Variants in SAMMSON observed in about 807,000 individuals in gnomAD.
The protein encoded by SAMMSON is long intergenic non-protein coding RNA 1212.
intron 4 of SAMMSON, among the ~76,000 whole-genome samples, chr3:70,240,875 A>G (rs1449337582): frequency 2.0e-5 from 3 of 152,184 alleles, no homozygotes; most frequent in Non-Finnish European, 2.9e-5. Flanking sequence ...AGATGACAGA[A>G]TTAGGGTACT....
chr3:70,115,089 A>G (rs1465768079), intron 4 of SAMMSON, among the ~76,000 whole-genome samples: 1 of 152,026 alleles, frequency 6.6e-6, no homozygotes, highest in Non-Finnish European at 1.5e-5. Context: ...ATTATTCATT[A>G]GAATAATTCA....
Position 70,396,955 on chromosome 3 carries a change from G to A in SAMMSON, n.233+38631G>A, listed in dbSNP as rs559139236. Among the ~76,000 whole-genome samples, 6 of 152,280 alleles carry A rather than the reference G, an allele frequency of 3.9e-5. 1 individual carries two copies. The highest frequency in any genetic ancestry group is 1.4e-4 in the African/African-American group (6 of 41,564). On this transcript the variant is annotated intron_variant and non_coding_transcript_variant, in intron 2 of 3. Transcript: ENST00000641053. ...TACTACTTGTTTATCTTTCTAAAATGTAAGTTAGTTTTCAAGTGAAAAGTA... is the reference window on the plus strand; with the variant it reads ...TACTACTTGTTTATCTTTCTAAAATATAAGTTAGTTTTCAAGTGAAAAGTA...
intron 1 of SAMMSON, among the ~76,000 whole-genome samples, chr3:70,002,662 A>G (rs1470489650): frequency 3.9e-5 from 6 of 152,206 alleles, no homozygotes; most frequent in Non-Finnish European, 8.8e-5. Context: ...CAAGTACTGT[A>G]TATGGATTTT....
chr3:70,087,066 T>TTCAAGCAA (rs1345417294), intron 4 of SAMMSON, among the ~76,000 whole-genome samples: 1 of 152,164 alleles, frequency 6.6e-6, no homozygotes, highest in Non-Finnish European at 1.5e-5. Context: ...ATCTCTGAGC[T>TTCAAGCAA]TCAAGCAATC....
chr3:70,301,555 T>A (rs1410370455), intron 7 of SAMMSON, among the ~76,000 whole-genome samples: 1 of 152,126 alleles, frequency 6.6e-6, no homozygotes, highest in Non-Finnish European at 1.5e-5. Flanking sequence ...TTTGTTGATT[T>A]CATTTACTTA....
intron 4 of SAMMSON, among the ~76,000 whole-genome samples, chr3:70,093,808 G>A (rs1242424718): frequency 2.6e-5 from 4 of 152,192 alleles, no homozygotes; most frequent in Non-Finnish European, 5.9e-5. Context: ...TTGAAATGAC[G>A]CCTGGAGCAA....
chr3:70,054,886 A>C (rs2067161490), intron 3 of SAMMSON, among the ~76,000 whole-genome samples: 1 of 152,106 alleles, frequency 6.6e-6, no homozygotes, highest in Admixed American at 6.6e-5. Context: ...TTTCAGGAGA[A>C]GTCAGAAATT....
chr3:70,215,566 G>A (rs891706743), intron 4 of SAMMSON, among the ~76,000 whole-genome samples: 1 of 151,970 alleles, frequency 6.6e-6, no homozygotes. Context: ...ACTGTCCCCT[G>A]CAACTCCAAT....
intron 4 of SAMMSON, among the ~76,000 whole-genome samples, chr3:70,243,568 A>T (rs1224996666): frequency 2.6e-5 from 4 of 152,092 alleles, no homozygotes; most frequent in Non-Finnish European, 4.4e-5. Flanking sequence ...CACTATCGTC[A>T]TTTTGGACTG....
intron 4 of SAMMSON, among the ~76,000 whole-genome samples, chr3:70,162,237 T>C (rs1559525921): frequency 6.6e-6 from 1 of 151,926 alleles, no homozygotes; most frequent in Non-Finnish European, 1.5e-5. Context: ...AGTAAATTGC[T>C]TTGAGATCTT....
chr3:70,036,784 G>A (rs974237630), intron 3 of SAMMSON, among the ~76,000 whole-genome samples: 1 of 151,942 alleles, frequency 6.6e-6, no homozygotes, highest in African/African-American at 2.4e-5. Context: ...TAACTTTTCA[G>A]GAACATAAGC....
chr3:70,054,176 A>C (rs2107590078), intron 3 of SAMMSON, among the ~76,000 whole-genome samples: 1 of 152,218 alleles, frequency 6.6e-6, no homozygotes, highest in African/African-American at 2.4e-5. Context: ...TTTAGTTTTA[A>C]TTTTAAGAGC....
intron 4 of SAMMSON, chr3:70,126,537 C>A (rs192386899): frequency 5.3e-6 from 3 of 569,334 alleles, no homozygotes; most frequent in South Asian, 3.9e-5. Context: ...AGAGTTCGGT[C>A]GGCCGAGGCA....
intron 4 of SAMMSON, chr3:70,125,642 A>C: frequency 1.4e-6 from 1 of 699,750 alleles, no homozygotes; most frequent in Non-Finnish European, 2.6e-6. Flanking sequence ...ATGTCGGTAG[A>C]TATATGGAAT....
At chr3:70,223,917 C>T (rs867569500) in intron 4 of SAMMSON, among the ~76,000 whole-genome samples, 6 of 152,054 alleles carry the variant, frequency 3.9e-5, no homozygotes, top group Admixed American at 1.3e-4. Flanking sequence ...AACTTTTGTA[C>T]TCTCCTCTCC....
chr3:70,112,287 T>G (rs2106661438), intron 4 of SAMMSON, among the ~76,000 whole-genome samples: 1 of 152,228 alleles, frequency 6.6e-6, no homozygotes, highest in Non-Finnish European at 1.5e-5. Flanking sequence ...ATCTGCACAA[T>G]GCTGGGAGAA....
At chr3:70,388,994 T>A (rs1333213268) in intron 9 of SAMMSON, among the ~76,000 whole-genome samples, 1 of 151,854 alleles carries the variant, frequency 6.6e-6, no homozygotes, top group African/African-American at 2.4e-5. Flanking sequence ...CTCAAGGGAG[T>A]GAATTAGTTC....
At chr3:70,287,004 C>T (rs1463951687) in intron 6 of SAMMSON, among the ~76,000 whole-genome samples, 3 of 149,562 alleles carry the variant, frequency 2.0e-5, no homozygotes, top group Non-Finnish European at 4.4e-5. Context: ...CGTCTGCAAA[C>T]AGGGACAATT....
intron 6 of SAMMSON, among the ~76,000 whole-genome samples, chr3:70,262,074 T>C (rs1701871963): frequency 1.3e-5 from 2 of 152,148 alleles, no homozygotes; most frequent in Admixed American, 1.3e-4. Flanking sequence ...AATCTCACGA[T>C]AAAGCCTTTT....
Sources: allele counts gnomAD v4.1 joint callset (sites outside exome capture counted in the v4.1 genomes callset), GRCh38; gene constraint gnomAD v4.1.1; transcripts MANE v1.5; gene names NCBI Gene and HGNC (gene_info 2026-07-23, HGNC 2026-07-21).